Variants in TRAPPC11 observed in about 807,000 individuals in gnomAD.
TRAPPC11 encodes the protein trafficking protein particle complex subunit 11, also known as foie gras homolog.
TRAPPC11 carries 104 observed loss-of-function variants against 151.2 expected under a neutral mutation model. The observed-to-expected ratio is 0.69, with a 90% CI of 0.59 to 0.81. TRAPPC11 has a LOEUF of 0.81. Among genes scored for constraint, TRAPPC11 ranks in the 30% least tolerant of loss-of-function variants. TRAPPC11 has a pLI of 0.00. For missense variants in TRAPPC11, 1,230 were observed against 1,349.6 expected, an observed-to-expected ratio of 0.91 and a Z score of 1.39; for synonymous variants, 456 against 472.3, an observed-to-expected ratio of 0.97 and a Z score of 0.45.
At chr4:183,669,677 T>C (rs1009997876) in intron 5 of TRAPPC11, among the ~76,000 whole-genome samples, 5 of 152,180 alleles carry the variant, frequency 3.3e-5, no homozygotes, top group Admixed American at 1.3e-4. Flanking sequence ...GTTGCTGTAT[T>C]GGCTTCCAGT....
chr4:183,704,580 G>A (rs965041036), intron 26 of TRAPPC11, among the ~76,000 whole-genome samples: 100 of 151,482 alleles, frequency 6.6e-4, no homozygotes, highest in African/African-American at 2.3e-3. Flanking sequence ...TTGAGAGGCC[G>A]AGGTGGGCGG....
At chr4:183,696,841 C>G (rs890837833) in intron 23 of TRAPPC11, among the ~76,000 whole-genome samples, 3 of 152,072 alleles carry the variant, frequency 2.0e-5, no homozygotes, top group African/African-American at 7.2e-5. Context: ...TACATGTATA[C>G]GGATGATAGC....
At chr4:183,663,737 T>TTG in intron 1 of TRAPPC11, 110 bp from the exon 2 acceptor site, 4 of 240,360 alleles carry the variant, frequency 1.7e-5, no homozygotes. Flanking sequence ...ATATGAGTTG[T>TTG]TTTTTTTTTT....
chr4:183,711,713 C>A (rs971063230), intron 29 of TRAPPC11, among the ~76,000 whole-genome samples: 2 of 100,748 alleles, frequency 2.0e-5, no homozygotes, highest in East Asian at 4.9e-4. Flanking sequence ...GTCTTCACTG[C>A]CTCGGGAATG....
At chr4:183,706,518 G>A (rs537661243) in intron 27 of TRAPPC11, among the ~76,000 whole-genome samples, 155 of 142,876 alleles carry the variant, frequency 1.1e-3, no homozygotes, top group African/African-American at 3.9e-3. Flanking sequence ...GCGAGACTCC[G>A]CCTCAAAAAA....
intron 2 of TRAPPC11, 41 bp downstream of exon 2, chr4:183,664,112 CTCTA>C (rs752187401): frequency 2.2e-5 from 34 of 1,523,990 alleles, no homozygotes; most frequent in Non-Finnish European, 2.8e-5. Context: ...CCTTCTCTCT[CTCTA>C]TGTGTGTGTG....
chr4:183,685,161 TTA>T lies in TRAPPC11; in HGVS notation c.1629+21_1629+22del. 1 of 1,613,380 alleles carries T rather than the reference TTA, an allele frequency of 6.2e-7. No individual in the cohort carries two copies. The highest frequency in any genetic ancestry group is 8.5e-7 in the Non-Finnish European group (1 of 1,179,426). Reference sequence around the variant, plus strand: ...TGTTTTAATGGTAGGTTGGAATTGTTTATATAGAGTGTGTTATTAGGAATATG... The same window carrying T: ...TGTTTTAATGGTAGGTTGGAATTGTTTATAGAGTGTGTTATTAGGAATATG... On this transcript the variant is annotated intron_variant, in intron 16 of 29. Coordinates refer to ENST00000334690, the MANE Select transcript of TRAPPC11 (RefSeq NM_021942.6).
rs778769052 is a variant in TRAPPC11, at chr4:183,663,998, G to A, written c.131G>A (p.Arg44Gln). ...RAVWDAFCAN[R>Q]RADRVPISFK... ...GTCTGGGACGCCTTCTGTGCAAATC[G>A]GAGAGCTGATCGAGTACCAATTTCT... Residue 44 changes from arginine to glutamine, a missense_variant, in exon 2 of 30, where the codon CGG (arginine) becomes CAG (glutamine). Transcript: ENST00000334690. 4 of 1,613,888 alleles carry A rather than the reference G, an allele frequency of 2.5e-6. No homozygotes were observed. The highest frequency in any genetic ancestry group is 2.2e-5 in the South Asian group (2 of 91,074).
chr4:183,686,297 C>T (rs912168864), intron 17 of TRAPPC11, among the ~76,000 whole-genome samples: 3 of 150,742 alleles, frequency 2.0e-5, no homozygotes, highest in Admixed American at 6.6e-5. Context: ...CCACCATGCC[C>T]GGCTAATTTT....
At chr4:183,700,055 G>T (rs1270436483) in intron 25 of TRAPPC11, among the ~76,000 whole-genome samples, 1 of 152,054 alleles carries the variant, frequency 6.6e-6, no homozygotes, top group Admixed American at 6.6e-5. Context: ...CGCGTGATCT[G>T]CTCATCTCAG....
At chr4:183,708,993 G>GTTT (rs112787416) in intron 29 of TRAPPC11, among the ~76,000 whole-genome samples, 166 of 149,490 alleles carry the variant, frequency 1.1e-3, no homozygotes, top group African/African-American at 3.7e-3. Flanking sequence ...CTGATTTAAT[G>GTTT]TTTTTTTTTT....
rs773678506 is a variant in TRAPPC11 at position 183,705,044 on chromosome 4, A to G, written c.3029A>G (p.Glu1010Gly). The change falls in exon 27 of 30, where the codon GAG (glutamate) becomes GGG (glycine). Residue 1010 changes from glutamate (E) to glycine (G), a missense_variant. Transcript: ENST00000334690. ...TVITLPHVIVENIPLHVNADL... is the reference protein window; with the variant it reads ...TVITLPHVIVGNIPLHVNADL... Reference sequence around the variant, plus strand: ...ATCACTCTGCCGCACGTGATTGTGGAGAATATCCCTCTCCATGTGAATGCA... The same window carrying G: ...ATCACTCTGCCGCACGTGATTGTGGGGAATATCCCTCTCCATGTGAATGCA... The G allele has an allele frequency of 3.8e-6, 6 of 1,594,272 alleles. No homozygotes were observed. Among genetic ancestry groups the G allele is most frequent in the Non-Finnish European group, 4.3e-6 (5 of 1,166,144 alleles).
chr4:183,668,134 T>C lies in TRAPPC11; in HGVS notation c.560+17T>C. 6 of 1,460,532 alleles carry C rather than the reference T, an allele frequency of 4.1e-6. No homozygotes were observed. Among genetic ancestry groups the C allele is most frequent in the Non-Finnish European group, 5.6e-6 (6 of 1,064,576 alleles). The allele number at this position is 1,460,532 out of a possible 1,614,324, so 90.5% of individuals were successfully genotyped here. On this transcript the variant is annotated intron_variant, in intron 5 of 29. Transcript: ENST00000334690. ...TATTATAAGGTAAGTAGAGGTCTTT[T>C]AAAGTTTTGTTTTTTTAGATTATTA...
chr4:183,664,092 T>A, intron 2 of TRAPPC11, 21 bp downstream of exon 2: 2 of 1,593,630 alleles, frequency 1.3e-6, no homozygotes, highest in African/African-American at 2.7e-5. Context: ...TGTGATGGCA[T>A]GTGTTCTTTC....
At chr4:183,661,578 A>G (rs867031197) in intron 1 of TRAPPC11, among the ~76,000 whole-genome samples, 58 of 151,290 alleles carry the variant, frequency 3.8e-4, no homozygotes, top group Middle Eastern at 3.4e-3. Flanking sequence ...TCACCATGTT[A>G]GCCAGGATGG....
intron 1 of TRAPPC11, among the ~76,000 whole-genome samples, chr4:183,662,569 A>G (rs76037099): frequency 0.037 from 5,573 of 152,102 alleles, 229 homozygotes; most frequent in African/African-American, 0.1. Flanking sequence ...TTTTTCCCTT[A>G]CAGATTTTTC....
chr4:183,687,007 C>T (rs1335475282), intron 18 of TRAPPC11, among the ~76,000 whole-genome samples: 4 of 151,926 alleles, frequency 2.6e-5, no homozygotes, highest in African/African-American at 4.8e-5. Flanking sequence ...GGTGAAACCC[C>T]GTCTCTACTA....
chr4:183,702,833 TGTA>T (rs1337993279), intron 26 of TRAPPC11, among the ~76,000 whole-genome samples: 2 of 152,114 alleles, frequency 1.3e-5, no homozygotes, highest in African/African-American at 4.8e-5. Context: ...GGGAATAAAA[TGTA>T]TTACTTAAAA....
chr4:183,665,888 A>G (rs1362987551), intron 2 of TRAPPC11, among the ~76,000 whole-genome samples: 2 of 151,862 alleles, frequency 1.3e-5, no homozygotes, highest in East Asian at 1.9e-4. Flanking sequence ...AGAAGCTGGA[A>G]TGGTGAAGAA....
Sources: allele counts gnomAD v4.1 joint callset (sites outside exome capture counted in the v4.1 genomes callset), GRCh38; gene constraint gnomAD v4.1.1; transcripts MANE v1.5; gene names NCBI Gene and HGNC (gene_info 2026-07-23, HGNC 2026-07-21).